Variants in MPRIP observed in about 807,000 individuals in gnomAD.
MPRIP encodes the protein myosin phosphatase Rho-interacting protein.
In MPRIP, 59 loss-of-function variants were observed where a neutral mutation model predicts 234.9. The ratio of observed to expected loss-of-function variants is 0.25; its 90% CI spans 0.20 to 0.31. MPRIP has a LOEUF of 0.31. Ranked by LOEUF, MPRIP falls within the 10% of genes least tolerant of loss-of-function variation. MPRIP has a pLI of 1.00. For synonymous variants in MPRIP, 1,144 were observed against 1,263.9 expected, an observed-to-expected ratio of 0.91 and a Z score of 2.01; for missense variants, 2,436 against 3,071.0, an observed-to-expected ratio of 0.79 and a Z score of 4.89.
At chr17:17,118,094 C>T (rs2090319624) in intron 3 of MPRIP, among the ~76,000 whole-genome samples, 1 of 152,248 alleles carries the variant, frequency 6.6e-6, no homozygotes, top group Non-Finnish European at 1.5e-5. Context: ...TCTCCCTGGC[C>T]TGTGCTGTAG....
chr17:17,043,261 G>A (rs981420403), intron 1 of MPRIP, among the ~76,000 whole-genome samples: 3 of 152,162 alleles, frequency 2.0e-5, no homozygotes, highest in African/African-American at 7.2e-5. Context: ...AAGCGCTTAG[G>A]GATTGCATGC....
chr17:17,066,425 A>T (rs1211215449), intron 1 of MPRIP, among the ~76,000 whole-genome samples: 3 of 152,182 alleles, frequency 2.0e-5, no homozygotes, highest in Admixed American at 2.0e-4. Flanking sequence ...GTAGAGCATT[A>T]ATTTGGTGGA....
intron 2 of MPRIP, chr17:17,077,769 A>AT: frequency 2.2e-6 from 1 of 452,708 alleles, no homozygotes; most frequent in Non-Finnish European, 4.0e-6. Flanking sequence ...AAAAAAAAAA[A>AT]AAGACTTCTT....
chr17:17,117,146 T>C (rs1182993758), intron 3 of MPRIP, among the ~76,000 whole-genome samples: 4 of 152,116 alleles, frequency 2.6e-5, no homozygotes, highest in Admixed American at 2.6e-4. Flanking sequence ...TCCCAAACAT[T>C]CGAGGAAAGT....
chr17:17,103,192 T>C, intron 3 of MPRIP, among the ~76,000 whole-genome samples: 1 of 152,214 alleles, frequency 6.6e-6, no homozygotes, highest in East Asian at 1.9e-4. Flanking sequence ...ACTCTGGCCA[T>C]GGGGTCTTTG....
At chr17:17,128,875 C>G (rs889720990) in intron 4 of MPRIP, among the ~76,000 whole-genome samples, 39 of 152,324 alleles carry the variant, frequency 2.6e-4, no homozygotes, top group African/African-American at 9.4e-4. Flanking sequence ...CCTCTCTTGC[C>G]TCCCTCTGTT....
intron 3 of MPRIP, among the ~76,000 whole-genome samples, chr17:17,087,131 G>T (rs974660494): frequency 1.3e-5 from 2 of 152,220 alleles, no homozygotes; most frequent in Admixed American, 1.3e-4. Context: ...TCATGGGACT[G>T]TGTGGACCAA....
chr17:17,111,520 A>AG (rs780918818), intron 3 of MPRIP, among the ~76,000 whole-genome samples: 10 of 152,154 alleles, frequency 6.6e-5, no homozygotes, highest in East Asian at 1.9e-4. Flanking sequence ...CTGTGTGTCC[A>AG]GGGGGGTCTC....
intron 3 of MPRIP, among the ~76,000 whole-genome samples, chr17:17,093,071 T>C (rs1372169018): frequency 1.3e-5 from 2 of 152,200 alleles, no homozygotes; most frequent in East Asian, 1.9e-4. Flanking sequence ...CATTTGAATT[T>C]TGGATAAACG....
intron 3 of MPRIP, among the ~76,000 whole-genome samples, chr17:17,100,041 C>G (rs1446371445): frequency 6.6e-6 from 1 of 152,168 alleles, no homozygotes; most frequent in Non-Finnish European, 1.5e-5. Context: ...TGGGATGGCG[C>G]TGGGTGGGGA....
chr17:17,146,517 C>G (rs1395322408), intron 10 of MPRIP, among the ~76,000 whole-genome samples: 1 of 152,236 alleles, frequency 6.6e-6, no homozygotes, highest in African/African-American at 2.4e-5. Context: ...GCAAGACTCT[C>G]ATGCCAGAGA....
intron 1 of MPRIP, among the ~76,000 whole-genome samples, chr17:17,075,275 A>T (rs2089300841): frequency 1.3e-5 from 2 of 152,212 alleles, no homozygotes; most frequent in Admixed American, 1.3e-4. Context: ...GGCTTTGATC[A>T]CGAAAGCAGT....
chr17:17,157,615 G>A (rs1223959928), intron 13 of MPRIP, among the ~76,000 whole-genome samples: 1 of 152,190 alleles, frequency 6.6e-6, no homozygotes, highest in Non-Finnish European at 1.5e-5. Context: ...GATCACCTGA[G>A]GTCAGGAGTT....
chr17:17,172,133 C>G (rs1389721004), intron 17 of MPRIP, among the ~76,000 whole-genome samples: 1 of 152,232 alleles, frequency 6.6e-6, no homozygotes, highest in East Asian at 1.9e-4. Flanking sequence ...CTGTGACTTT[C>G]CAGTTCCAAC....
chr17:17,126,666 C>T, intron 3 of MPRIP, 36 bp from the exon 4 acceptor site: 2 of 1,587,748 alleles, frequency 1.3e-6, no homozygotes, highest in Non-Finnish European at 1.7e-6. Flanking sequence ...GCCCCATTGG[C>T]TGGCCTCTGG....
intron 9 of MPRIP, among the ~76,000 whole-genome samples, chr17:17,145,141 C>A (rs929533931): frequency 1.3e-5 from 2 of 152,236 alleles, no homozygotes; most frequent in African/African-American, 4.8e-5. Context: ...CTTGGCCAGA[C>A]CTAGGCAGCA....
chr17:17,138,001 A>G lies in MPRIP; in HGVS notation c.822A>G (p.Lys274=), dbSNP rs2090738554. ...ESGYFSLEKT[K]QDLKAEEQQL... Reference sequence around the variant, plus strand: ...GCTACTTCTCTCTGGAGAAGACCAAACAGGACTTGAAGGCTGAAGAACAGC... The same window carrying G: ...GCTACTTCTCTCTGGAGAAGACCAAGCAGGACTTGAAGGCTGAAGAACAGC... Residue 274 remains lysine (K), a synonymous_variant, in exon 7 of 24, where the codon AAA becomes AAG. Transcript: ENST00000651222. The surrounding 1 kb of genome is among the most constrained non-coding windows in gnomAD (Gnocchi z 5.8). 6.2e-7 allele frequency: 1 copy of G among 1,612,166 alleles called. No individual in the cohort carries two copies. The highest frequency in any genetic ancestry group is 8.5e-7 in the Non-Finnish European group (1 of 1,179,476).
In MPRIP at chr17:17,078,084, T is replaced by G. The variant is rs1331401011; in HGVS notation, c.267+8T>G. On this transcript the variant is annotated splice_region_variant and intron_variant, in intron 3 of 23. Transcript: ENST00000651222. The surrounding 1 kb of genome is among the most constrained non-coding windows in gnomAD (Gnocchi z 4.3). ...TACGCCCTGGATGAGATGGTAAGTG[T>G]TATCCTTGCCCACTCCCTGTCCCCA... is the stretch of plus-strand genomic sequence containing the variant. The G allele has an allele frequency of 6.2e-7, 1 of 1,614,044 alleles. No individual in the cohort carries two copies. The highest frequency in any genetic ancestry group is 8.5e-7 in the Non-Finnish European group (1 of 1,179,950).
intron 3 of MPRIP, among the ~76,000 whole-genome samples, chr17:17,089,255 G>A (rs76715413): frequency 0.022 from 3,372 of 152,296 alleles, 75 homozygotes; most frequent in Non-Finnish European, 0.03. Context: ...CTTAGCTAAG[G>A]TCCAGATGTG....
Sources: allele counts gnomAD v4.1 joint callset (sites outside exome capture counted in the v4.1 genomes callset), GRCh38; gene constraint gnomAD v4.1.1; non-coding constraint Gnocchi (gnomAD v3.1); transcripts MANE v1.5; gene names NCBI Gene and HGNC (gene_info 2026-07-23, HGNC 2026-07-21).